FSTL5: variants seen among roughly 807,000 people sequenced by gnomAD.
FSTL5 encodes follistatin-related protein 5.
A neutral mutation model predicts 89.1 loss-of-function variants in FSTL5; 62 were observed. The ratio of observed to expected loss-of-function variants is 0.70; its 90% CI spans 0.57 to 0.86. The LOEUF is 0.86. FSTL5 is among the 40% of genes least tolerant of loss of function. The pLI is 0.00. For missense variants in FSTL5, 1,057 were observed against 1,001.6 expected, an observed-to-expected ratio of 1.06 and a Z score of -0.75; for synonymous variants, 383 against 346.2, an observed-to-expected ratio of 1.11 and a Z score of -1.18.
At chr4:162,086,306 CCCT>C (rs776788865) in intron 2 of FSTL5, among the ~76,000 whole-genome samples, 3 of 151,748 alleles carry the variant, frequency 2.0e-5, no homozygotes, top group South Asian at 2.1e-4. Context: ...GCTCATTCCC[CCCT>C]CCTTTCTCCC....
intron 4 of FSTL5, among the ~76,000 whole-genome samples, chr4:161,810,500 C>T (rs1168757052): frequency 6.6e-6 from 1 of 152,084 alleles, no homozygotes; most frequent in Non-Finnish European, 1.5e-5. Flanking sequence ...TGAGAATTGA[C>T]GACCACCTTG....
chr4:161,713,213 A>C (rs1188386161), intron 6 of FSTL5, among the ~76,000 whole-genome samples: 2 of 152,224 alleles, frequency 1.3e-5, no homozygotes, highest in Non-Finnish European at 2.9e-5. Context: ...CAATAATAAT[A>C]GCTAATAGCA....
chr4:162,041,881 T>C (rs1737974151), intron 2 of FSTL5: 1 of 152,180 alleles, frequency 6.6e-6, no homozygotes, highest in African/African-American at 2.4e-5. Flanking sequence ...CCTGGCACGG[T>C]GGCTCATGCC....
chr4:162,112,542 G>C (rs1406768147), intron 1 of FSTL5, among the ~76,000 whole-genome samples: 1 of 152,046 alleles, frequency 6.6e-6, no homozygotes, highest in African/African-American at 2.4e-5. Flanking sequence ...CACTGAGTCT[G>C]GTTCTTGACT....
At chr4:161,945,271 A>G (rs76216333) in intron 3 of FSTL5, among the ~76,000 whole-genome samples, 2,887 of 152,284 alleles carry the variant, frequency 0.019, 92 homozygotes, top group African/African-American at 0.065. Context: ...CAATGATCTA[A>G]TTGCAACTTG....
intron 8 of FSTL5, among the ~76,000 whole-genome samples, chr4:161,565,115 C>G (rs973292850): frequency 6.6e-6 from 1 of 151,704 alleles, no homozygotes; most frequent in African/African-American, 2.4e-5. Flanking sequence ...AAATGTGGGG[C>G]CGAAAGCAAA....
intron 7 of FSTL5, among the ~76,000 whole-genome samples, chr4:161,619,564 T>C (rs1246624240): frequency 6.6e-6 from 1 of 152,196 alleles, no homozygotes; most frequent in East Asian, 1.9e-4. Context: ...AGAAGATATT[T>C]ATGCAGCCAA....
chr4:162,043,958 C>T (rs2111234032), intron 2 of FSTL5, among the ~76,000 whole-genome samples: 1 of 152,264 alleles, frequency 6.6e-6, no homozygotes, highest in East Asian at 1.9e-4. Context: ...GCAGTTACTT[C>T]CTTCACTGAA....
At chr4:161,593,833 A>G (rs2126614624) in intron 7 of FSTL5, among the ~76,000 whole-genome samples, 1 of 152,258 alleles carries the variant, frequency 6.6e-6, no homozygotes, top group East Asian at 1.9e-4. Flanking sequence ...CTCCACAAAA[A>G]GTAACTACTG....
intron 5 of FSTL5, among the ~76,000 whole-genome samples, chr4:161,767,735 T>G (rs934770407): frequency 6.6e-6 from 1 of 152,236 alleles, no homozygotes; most frequent in East Asian, 1.9e-4. Flanking sequence ...GTAGATGAAA[T>G]AGGACGATTC....
intron 4 of FSTL5, among the ~76,000 whole-genome samples, chr4:161,818,208 C>T (rs1053272904): frequency 6.6e-6 from 1 of 152,130 alleles, no homozygotes; most frequent in Non-Finnish European, 1.5e-5. Context: ...GCAGTAGATA[C>T]GGAGTTTGGC....
chr4:161,512,900 G>A lies in FSTL5; in HGVS notation c.1313-2476C>T, dbSNP rs190634952. 5.3e-4 allele frequency among the ~76,000 whole-genome samples: 81 copies of A among 152,066 alleles called. No homozygotes were observed. The Middle Eastern group carries it at 0.01, about 19-fold the overall frequency. On this transcript the variant is annotated intron_variant, in intron 10 of 15. Transcript: ENST00000306100. ...AAAGTTTTAACAATACAATTATCAAGATTGAATTACTGTATTTATAATGAT... is the reference window on the plus strand; with the variant it reads ...AAAGTTTTAACAATACAATTATCAAAATTGAATTACTGTATTTATAATGAT...
intron 8 of FSTL5, 78 bp downstream of exon 8, chr4:161,587,377 T>A (rs1733651826): frequency 1.4e-6 from 2 of 1,428,960 alleles, no homozygotes; most frequent in Non-Finnish European, 2.0e-6. Context: ...TTGTAAAAAC[T>A]CAAAAAATTG....
chr4:162,131,209 T>A (rs572772846), intron 1 of FSTL5, among the ~76,000 whole-genome samples: 2 of 152,272 alleles, frequency 1.3e-5, no homozygotes, highest in East Asian at 3.9e-4. Flanking sequence ...TTGAATAGAA[T>A]TAGAATCTCA....
At chr4:161,515,722 C>A (rs951014021) in intron 10 of FSTL5, among the ~76,000 whole-genome samples, 2 of 151,772 alleles carry the variant, frequency 1.3e-5, no homozygotes, top group African/African-American at 4.8e-5. Flanking sequence ...TTTATTAATT[C>A]TAACCTAGTA....
In FSTL5 at chr4:161,848,835, C is replaced by A. The variant is rs568120116; in HGVS notation, c.409+71569G>T. On this transcript the variant is annotated intron_variant, in intron 4 of 15. Transcript: ENST00000306100. ...GTTCTTAATCAATTTAAAAGGGATGCACATCTCACTTTTACTTGCATTCAA... is the reference window on the plus strand; with the variant it reads ...GTTCTTAATCAATTTAAAAGGGATGAACATCTCACTTTTACTTGCATTCAA... 2.0e-5 allele frequency among the ~76,000 whole-genome samples: 3 copies of A among 152,156 alleles called. No homozygotes were observed. In the South Asian group the frequency reaches 6.2e-4, roughly 32 times the overall value.
At chr4:162,092,180 G>A (rs994356716) in intron 2 of FSTL5, among the ~76,000 whole-genome samples, 3 of 152,004 alleles carry the variant, frequency 2.0e-5, no homozygotes, top group African/African-American at 7.2e-5. Context: ...TCCAGTTTTA[G>A]AACTGCTTAT....
At chr4:161,431,838 G>C (rs1258630499) in intron 15 of FSTL5, among the ~76,000 whole-genome samples, 1 of 151,978 alleles carries the variant, frequency 6.6e-6, no homozygotes, top group Non-Finnish European at 1.5e-5. Flanking sequence ...AGATAGAATA[G>C]ATTTCAAAGC....
chr4:161,920,481 T>C lies in FSTL5; in HGVS notation c.332A>G (p.His111Arg). 6.2e-7 allele frequency: 1 copy of C among 1,613,910 alleles called. No homozygotes were observed. The highest frequency in any genetic ancestry group is 1.3e-5 in the African/African-American group (1 of 74,974). ...GCAAGCAGCTCTGTGCACTTCACAG[T>C]GGTTTTCATAGAATTCTCCGTCAGA... ...CGSDGEFYEN[H>R]CEVHRAACLK... Residue 111 changes from histidine to arginine, a missense_variant, in exon 4 of 16, where the codon CAC becomes CGC. Transcript: ENST00000306100.
Sources: allele counts gnomAD v4.1 joint callset (sites outside exome capture counted in the v4.1 genomes callset), GRCh38; gene constraint gnomAD v4.1.1; transcripts MANE v1.5; gene names NCBI Gene and HGNC (gene_info 2026-07-23, HGNC 2026-07-21).